Variants in SVEP1 observed in about 807,000 individuals in gnomAD.
The protein encoded by SVEP1 is sushi, von Willebrand factor type A, EGF and pentraxin domain-containing protein 1.
A neutral mutation model predicts 367.3 loss-of-function variants in SVEP1; 164 were observed. That is an observed-to-expected ratio of 0.45 (90% CI 0.39 to 0.51). The LOEUF (loss-of-function observed/expected upper bound fraction) is 0.51, where lower values mean the gene tolerates loss of function less well. SVEP1 is among the 20% of genes least tolerant of loss of function. SVEP1 has a pLI of 0.00. For missense variants in SVEP1, 4,117 were observed against 4,425.3 expected (o/e 0.93, Z 1.98); for synonymous variants, 1,666 against 1,611.6 (o/e 1.03, Z -0.81).
At chr9:110,479,216 T>C (rs1205065784) in intron 13 of SVEP1, among the ~76,000 whole-genome samples, 1 of 151,408 alleles carries the variant, frequency 6.6e-6, no homozygotes, top group African/African-American at 2.5e-5. Context: ...CCGCGCCTGG[T>C]CTGTTTTTTT....
chr9:110,451,746 G>A (rs1828696860), intron 22 of SVEP1, among the ~76,000 whole-genome samples: 1 of 151,944 alleles, frequency 6.6e-6, no homozygotes, highest in Non-Finnish European at 1.5e-5. Flanking sequence ...GAGTTAAGTG[G>A]TAACAGTTAC....
At chr9:110,438,431 C>T (rs1828464316) in intron 27 of SVEP1, among the ~76,000 whole-genome samples, 1 of 152,048 alleles carries the variant, frequency 6.6e-6, no homozygotes. Context: ...TCTCCAACTC[C>T]TGGTCTCAAG....
chr9:110,406,025 G>A (rs1827948872), intron 38 of SVEP1, 135 bp downstream of exon 38: 1 of 1,094,676 alleles, frequency 9.1e-7, no homozygotes, highest in South Asian at 2.6e-5. Context: ...ATAAAGCCAA[G>A]TGTTAAAAGC....
chr9:110,536,070 A>G (rs1414812516), intron 3 of SVEP1, among the ~76,000 whole-genome samples: 1 of 151,978 alleles, frequency 6.6e-6, no homozygotes, highest in Non-Finnish European at 1.5e-5. Context: ...CTCATTCAGT[A>G]TGATGCTGGC....
At chr9:110,373,139 CACCAGTAAGGT>C in intron 46 of SVEP1, among the ~76,000 whole-genome samples, 1 of 152,260 alleles carries the variant, frequency 6.6e-6, no homozygotes, top group Middle Eastern at 3.4e-3. Context: ...TTATTACCTG[CACCAGTAAGGT>C]ACCTGGAAAA....
Position 110,429,310 on chromosome 9 carries a change from G to T in SVEP1, c.5640C>A (p.Ala1880=), listed in dbSNP as rs373767674. 1.3e-6 allele frequency: 2 copies of T among 1,581,394 alleles called. No individual in the cohort carries two copies. The highest frequency in any genetic ancestry group is 1.7e-6 in the Non-Finnish European group (2 of 1,163,908). Residue 1880 remains alanine (A), a synonymous_variant, in exon 35 of 48, where the codon GCC becomes GCA. Transcript: ENST00000374469. ...CAAGACAGGATGATTCTTTATCACC[G>T]GCCAGAGTATATCCTTTATTACACC... The part of the protein sequence containing the change: ...TYRCNKGYTL[A]GDKESSCLAN...
intron 39 of SVEP1, among the ~76,000 whole-genome samples, chr9:110,401,966 T>G (rs942437178): frequency 6.6e-6 from 1 of 152,120 alleles, no homozygotes. Context: ...TTTGTATATA[T>G]GACTGCATCA....
At chr9:110,467,996 A>T (rs1828964684) in intron 17 of SVEP1, among the ~76,000 whole-genome samples, 1 of 75,802 alleles carries the variant, frequency 1.3e-5, no homozygotes, top group African/African-American at 5.8e-5. Flanking sequence ...CCTGCTCCTT[A>T]TTTGCCTTCT....
Position 110,458,983 on chromosome 9 carries a change from G to A in SVEP1, c.3453C>T (p.Phe1151=), listed in dbSNP as rs375907567. The A allele has an allele frequency of 6.3e-4, 1,010 of 1,613,684 alleles. 6 individuals carry two copies. Among genetic ancestry groups the A allele is most frequent in the Middle Eastern group, 3.0e-3 (18 of 6,058 alleles). ...ATTCTGTGATGGATCTGGAACCAGC[G>A]AATGGGGTAGTTCCATAAAAGGGAC... ...LACPFYGTTP[F]AGSRSITECS... is the part of the protein sequence containing the mutation. The change falls in exon 19 of 48, where the codon TTC becomes TTT. Residue 1151 remains phenylalanine, a synonymous_variant. Coordinates refer to ENST00000374469, the MANE Select transcript of SVEP1 (RefSeq NM_153366.4).
chr9:110,531,103 G>A (rs907264321), intron 3 of SVEP1, among the ~76,000 whole-genome samples: 10 of 152,156 alleles, frequency 6.6e-5, no homozygotes, highest in African/African-American at 2.4e-4. Context: ...TGATAATATG[G>A]CATGCAAATA....
intron 1 of SVEP1, among the ~76,000 whole-genome samples, chr9:110,558,008 T>G (rs1394340293): frequency 6.6e-6 from 1 of 151,488 alleles, no homozygotes; most frequent in African/African-American, 2.4e-5. Flanking sequence ...TTTGTTTAAT[T>G]TTAATTAACT....
intron 40 of SVEP1, among the ~76,000 whole-genome samples, chr9:110,389,969 G>C (rs1827603317): frequency 6.8e-6 from 1 of 147,626 alleles, no homozygotes; most frequent in Admixed American, 6.8e-5. Flanking sequence ...ATACACAATA[G>C]AGTACTATTT....
Position 110,431,961 on chromosome 9 carries a change from T to A in SVEP1, c.5307A>T (p.Ile1769=). ...ASCLNVDGSY[I]CSCVPPYTGD... is the part of the protein sequence containing the mutation. ...CTGTGTACGGTGGGACACATGAACATATGTAGGATCCATCTACGTTCAGGC... is the reference window on the plus strand; with the variant it reads ...CTGTGTACGGTGGGACACATGAACAAATGTAGGATCCATCTACGTTCAGGC... The change falls in exon 32 of 48, where the codon ATA becomes ATT. Residue 1769 remains isoleucine (I), a synonymous_variant. Coordinates refer to ENST00000374469, the MANE Select transcript of SVEP1 (RefSeq NM_153366.4). The A allele has an allele frequency of 6.2e-7, 1 of 1,613,736 alleles. No homozygotes were observed. The highest frequency in any genetic ancestry group is 1.1e-5 in the South Asian group (1 of 91,074).
intron 6 of SVEP1, among the ~76,000 whole-genome samples, chr9:110,499,915 T>C (rs1829506584): frequency 1.3e-5 from 2 of 152,240 alleles, no homozygotes; most frequent in African/African-American, 4.8e-5. Context: ...AGTCTCTATT[T>C]TCCATGTTAT....
chr9:110,471,980 A>G (rs1410505960), intron 15 of SVEP1, among the ~76,000 whole-genome samples, 179 bp downstream of exon 15: 2 of 152,176 alleles, frequency 1.3e-5, no homozygotes, highest in Non-Finnish European at 2.9e-5. Context: ...TGAGACCTAC[A>G]AAAGACATCT....
At chr9:110,533,075 A>G (rs1003123466) in intron 3 of SVEP1, among the ~76,000 whole-genome samples, 4 of 152,056 alleles carry the variant, frequency 2.6e-5, no homozygotes, top group Non-Finnish European at 5.9e-5. Context: ...TCACTCTCCT[A>G]TGAGAATCTA....
intron 21 of SVEP1, 81 bp downstream of exon 21, chr9:110,457,175 A>AC: frequency 8.9e-7 from 1 of 1,122,134 alleles, no homozygotes; most frequent in Non-Finnish European, 1.3e-6. Context: ...GGATATAGTT[A>AC]ATGTACTAAA....
Position 110,377,336 on chromosome 9 carries a change from C to A in SVEP1, c.10439G>T (p.Gly3480Val). 6.2e-7 allele frequency: 1 copy of A among 1,613,778 alleles called. No homozygotes were observed. The highest frequency in any genetic ancestry group is 8.5e-7 in the Non-Finnish European group (1 of 1,179,732). The change falls in exon 45 of 48, where the codon GGC becomes GTC. Residue 3480 changes from glycine (G) to valine (V), a missense_variant. Physicochemically the swap from Gly to Val is moderately radical, Grantham distance 109 (BLOSUM62 -3). Coordinates refer to ENST00000374469, the MANE Select transcript of SVEP1 (RefSeq NM_153366.4). ...AVCRFPCQNG[G>V]ICQRPNACSC... Reference sequence around the variant, plus strand: ...ACAAGCATTTGGGCGTTGGCAGATGCCCCCATTCTGACATGGAAATCGACA... The same window carrying A: ...ACAAGCATTTGGGCGTTGGCAGATGACCCCATTCTGACATGGAAATCGACA...
At chr9:110,578,972 C>T in intron 1 of SVEP1, 41 bp downstream of exon 1, 5 of 1,540,400 alleles carry the variant, frequency 3.2e-6, no homozygotes, top group Non-Finnish European at 4.4e-6. Flanking sequence ...GTCGAAGGGC[C>T]CGGGGACTAG....
Sources: gnomAD v4.1 joint callset for allele counts (sites outside exome capture counted in the v4.1 genomes callset) on GRCh38, gnomAD v4.1.1 for gene constraint, MANE v1.5 for transcripts, NCBI Gene and HGNC (gene_info 2026-07-23, HGNC 2026-07-21) for gene names.